CDK14: variants seen among roughly 807,000 people sequenced by gnomAD.
The protein encoded by CDK14 is cyclin-dependent kinase 14.
CDK14 carries 34 observed loss-of-function variants against 60.7 expected under a neutral mutation model. The observed-to-expected ratio is 0.56, with a 90% CI of 0.43 to 0.75. The LOEUF is 0.75. CDK14 is among the 30% of genes least tolerant of loss of function. The pLI is 0.00. For missense variants in CDK14, 482 were observed against 564.1 expected (o/e 0.85, Z 1.47); for synonymous variants, 197 against 203.7 (o/e 0.97, Z 0.28).
chr7:90,928,367 G>A (rs952024089), intron 8 of CDK14, among the ~76,000 whole-genome samples: 1 of 152,072 alleles, frequency 6.6e-6, no homozygotes, highest in Non-Finnish European at 1.5e-5. Context: ...TCTACCTTTG[G>A]TCTTTGATGA....
chr7:90,973,693 C>G (rs966420142), intron 9 of CDK14, among the ~76,000 whole-genome samples: 2 of 150,812 alleles, frequency 1.3e-5, no homozygotes, highest in Non-Finnish European at 2.9e-5. Context: ...ATTGGTAGGA[C>G]TGTGATGGCG....
rs533731487 is a variant in CDK14 at position 90,707,590 on chromosome 7, A to G, written c.124-18977A>G. Among the ~76,000 whole-genome samples the G allele has an allele frequency of 2.2e-4, 33 of 152,240 alleles. 1 individual carries two copies. The highest frequency in any genetic ancestry group is 7.7e-4 in the African/African-American group (32 of 41,564). On this transcript the variant is annotated intron_variant, in intron 2 of 14. Coordinates refer to ENST00000380050, the MANE Select transcript of CDK14 (RefSeq NM_001287135.2). ...AACTTCATATAGGATAAAATTCCCA[A>G]CTTTTTAGCATGGCTTACAGGGCCC...
intron 10 of CDK14, among the ~76,000 whole-genome samples, chr7:91,019,301 ACTT>A (rs1434290846): frequency 1.3e-5 from 2 of 151,784 alleles, no homozygotes; most frequent in Non-Finnish European, 2.9e-5. Context: ...TCCTGGGACT[ACTT>A]CTTTCATGTC....
chr7:91,119,220 C>T lies in CDK14; in HGVS notation c.*28+1012C>T, dbSNP rs149456835. The stretch of plus-strand genomic sequence containing the variant: ...TTCAGGCCAGACATGGTGGCACATA[C>T]CTGTAATCCCAGCACTTTGGGAGGC... On this transcript the variant is annotated intron_variant, in intron 14 of 14. Transcript: ENST00000380050. Among the ~76,000 whole-genome samples the T allele has an allele frequency of 7.1e-3, 1,087 of 152,228 alleles. 14 individuals carry two copies. The highest frequency in any genetic ancestry group is 0.024 in the African/African-American group (1,004 of 41,520).
At chr7:91,015,323 A>G (rs956815754) in intron 10 of CDK14, among the ~76,000 whole-genome samples, 1 of 152,010 alleles carries the variant, frequency 6.6e-6, no homozygotes, top group South Asian at 2.1e-4. Flanking sequence ...CTTCACTGCT[A>G]TGGGGTCTTT....
chr7:91,057,341 C>T (rs1315661911), intron 11 of CDK14, among the ~76,000 whole-genome samples: 1 of 152,054 alleles, frequency 6.6e-6, no homozygotes, highest in Non-Finnish European at 1.5e-5. Flanking sequence ...AAAATTTTCT[C>T]CGATGCTGTA....
chr7:91,015,407 A>C (rs527401394), intron 10 of CDK14, among the ~76,000 whole-genome samples: 2 of 151,668 alleles, frequency 1.3e-5, no homozygotes, highest in East Asian at 1.9e-4. Context: ...TACTTACCCT[A>C]TATGCCATCT....
chr7:90,614,442 G>T (rs375308243), intron 2 of CDK14, among the ~76,000 whole-genome samples: 1 of 151,828 alleles, frequency 6.6e-6, no homozygotes, highest in Non-Finnish European at 1.5e-5. Flanking sequence ...TCTTAAAGGA[G>T]CTTTCATCAT....
At chr7:90,774,814 C>T (rs983751283) in intron 4 of CDK14, among the ~76,000 whole-genome samples, 1 of 152,182 alleles carries the variant, frequency 6.6e-6, no homozygotes, top group Non-Finnish European at 1.5e-5. Context: ...AGAGTCTGAA[C>T]TCTGAATACC....
intron 5 of CDK14, among the ~76,000 whole-genome samples, chr7:90,792,891 C>T (rs1024970147): frequency 2.6e-5 from 4 of 152,158 alleles, no homozygotes; most frequent in Non-Finnish European, 5.9e-5. Flanking sequence ...GAATTTTACA[C>T]ATGTTGTTCC....
intron 2 of CDK14, chr7:90,710,652 G>T: frequency 1.6e-6 from 1 of 616,016 alleles, no homozygotes; most frequent in East Asian, 1.4e-4. Context: ...TCTGCGTGAA[G>T]TGCCAGCTCT....
intron 7 of CDK14, among the ~76,000 whole-genome samples, chr7:90,903,991 T>C (rs1474477306): frequency 6.6e-6 from 1 of 152,108 alleles, no homozygotes; most frequent in Non-Finnish European, 1.5e-5. Flanking sequence ...TCCCCAGCCC[T>C]GGGGACATGT....
chr7:91,192,114 G>A (rs983111968), intron 14 of CDK14, among the ~76,000 whole-genome samples: 44 of 152,246 alleles, frequency 2.9e-4, no homozygotes, highest in East Asian at 9.7e-4. Context: ...AGCAAGGAAG[G>A]CACAAGTAAC....
intron 14 of CDK14, among the ~76,000 whole-genome samples, chr7:91,174,954 GA>G (rs1801674101): frequency 6.9e-6 from 1 of 145,788 alleles, no homozygotes; most frequent in Non-Finnish European, 1.5e-5. Flanking sequence ...GAAATACAGA[GA>G]ACGCCACAAA....
chr7:91,059,388 TTG>T (rs1338776488), intron 11 of CDK14, among the ~76,000 whole-genome samples: 1 of 152,182 alleles, frequency 6.6e-6, no homozygotes, highest in Non-Finnish European at 1.5e-5. Context: ...GAAGGGTTTT[TTG>T]TGTCTCTATT....
At chr7:90,685,009 G>A (rs4632989) in intron 2 of CDK14, among the ~76,000 whole-genome samples, 1 of 147,896 alleles carries the variant, frequency 6.8e-6, no homozygotes, top group Admixed American at 6.7e-5. Flanking sequence ...TTCATTTTTA[G>A]GGAATCATCC....
At chr7:90,646,815 C>A (rs1158979403) in intron 2 of CDK14, among the ~76,000 whole-genome samples, 1 of 152,110 alleles carries the variant, frequency 6.6e-6, no homozygotes. Context: ...AATTGGTGAA[C>A]ATTTAGGTTG....
intron 9 of CDK14, among the ~76,000 whole-genome samples, chr7:90,957,741 T>G (rs1286438606): frequency 1.3e-5 from 2 of 152,066 alleles, no homozygotes; most frequent in South Asian, 2.1e-4. Flanking sequence ...TGCTCATGGG[T>G]AGGAAGAATC....
At chr7:90,737,898 T>C (rs1803188166) in intron 3 of CDK14, among the ~76,000 whole-genome samples, 1 of 152,164 alleles carries the variant, frequency 6.6e-6, no homozygotes, top group Non-Finnish European at 1.5e-5. Context: ...AGGGGTTATG[T>C]GTGAGGGTTA....
Sources: allele counts gnomAD v4.1 joint callset (sites outside exome capture counted in the v4.1 genomes callset), GRCh38; gene constraint gnomAD v4.1.1; transcripts MANE v1.5; gene names NCBI Gene and HGNC (gene_info 2026-07-23, HGNC 2026-07-21).